The following ZNF385D variants were observed in gnomAD, a reference collection of about 807,000 sequenced individuals.
ZNF385D encodes the protein zinc finger protein 385D.
Under a neutral mutation model 35.8 loss-of-function variants are expected in ZNF385D, and 15 were observed. That is an observed-to-expected ratio of 0.42 (90% CI 0.28 to 0.64). The LOEUF (loss-of-function observed/expected upper bound fraction) is 0.64, where lower values mean the gene tolerates loss of function less well. Among genes scored for constraint, ZNF385D ranks in the 30% least tolerant of loss-of-function variants. The pLI, the probability that ZNF385D is intolerant of heterozygous loss-of-function variation, is 0.23. For synonymous variants in ZNF385D, 212 were observed against 186.8 expected, an observed-to-expected ratio of 1.13 and a Z score of -1.10; for missense variants, 474 against 494.6, an observed-to-expected ratio of 0.96 and a Z score of 0.39.
chr3:22,342,614 A>G (rs891764036), intron 2 of ZNF385D, among the ~76,000 whole-genome samples: 1 of 152,352 alleles, frequency 6.6e-6, no homozygotes, highest in African/African-American at 2.4e-5. Context: ...TTTAACCTAC[A>G]TGCAACAGAC....
At chr3:22,079,207 C>T (rs561744672) in intron 3 of ZNF385D, among the ~76,000 whole-genome samples, 2 of 152,052 alleles carry the variant, frequency 1.3e-5, no homozygotes, top group South Asian at 4.1e-4. Context: ...GTAACATTTT[C>T]CCCATCATTA....
At chr3:22,124,589 T>C (rs141945506) in intron 3 of ZNF385D, among the ~76,000 whole-genome samples, 361 of 152,308 alleles carry the variant, frequency 2.4e-3, no homozygotes, top group South Asian at 8.3e-3. Context: ...AATTCATTAT[T>C]GCTCATCTTT....
At chr3:21,827,139 A>G (rs1398830251) in intron 3 of ZNF385D, among the ~76,000 whole-genome samples, 1 of 152,216 alleles carries the variant, frequency 6.6e-6, no homozygotes, top group Non-Finnish European at 1.5e-5. Flanking sequence ...TATACTTTGA[A>G]CATTAACTAA....
intron 3 of ZNF385D, among the ~76,000 whole-genome samples, chr3:21,793,981 C>T (rs2072036597): frequency 6.6e-6 from 1 of 152,156 alleles, no homozygotes; most frequent in Non-Finnish European, 1.5e-5. Context: ...GAAAACTAGG[C>T]TTTGCTGACT....
chr3:21,687,293 A>C (rs1377438565), intron 1 of ZNF385D, among the ~76,000 whole-genome samples: 1 of 152,188 alleles, frequency 6.6e-6, no homozygotes, highest in African/African-American at 2.4e-5. Context: ...TCAAACCCAA[A>C]ATATATTATG....
intron 3 of ZNF385D, among the ~76,000 whole-genome samples, chr3:21,514,612 C>T (rs539079156): frequency 6.6e-6 from 1 of 152,078 alleles, no homozygotes; most frequent in Non-Finnish European, 1.5e-5. Flanking sequence ...ACGGTTCAAA[C>T]CAAATTCAAA....
At chr3:21,615,716 G>A (rs1324802213) in intron 2 of ZNF385D, among the ~76,000 whole-genome samples, 1 of 151,010 alleles carries the variant, frequency 6.6e-6, no homozygotes, top group Non-Finnish European at 1.5e-5. Context: ...AGTTAGGGTT[G>A]CAGGTGGCTA....
intron 3 of ZNF385D, among the ~76,000 whole-genome samples, chr3:21,830,927 T>G (rs537076220): frequency 6.6e-6 from 1 of 152,284 alleles, no homozygotes; most frequent in East Asian, 1.9e-4. Flanking sequence ...ATACCATAAG[T>G]TGGCTTTAAA....
chr3:22,109,897 C>T (rs1702420734), intron 3 of ZNF385D, among the ~76,000 whole-genome samples: 1 of 152,106 alleles, frequency 6.6e-6, no homozygotes, highest in African/African-American at 2.4e-5. Context: ...AAGGGCTACT[C>T]ATCTGACAAA....
At chr3:22,335,506 T>C (rs1178679115) in intron 2 of ZNF385D, among the ~76,000 whole-genome samples, 1 of 152,168 alleles carries the variant, frequency 6.6e-6, no homozygotes, top group Non-Finnish European at 1.5e-5. Context: ...AAACGCTCCT[T>C]CAGATCTTTT....
intron 3 of ZNF385D, among the ~76,000 whole-genome samples, chr3:21,975,481 G>A (rs1703538419): frequency 6.6e-6 from 1 of 151,956 alleles, no homozygotes; most frequent in South Asian, 2.1e-4. Flanking sequence ...CCTAGTATTT[G>A]ATAGCACAAC....
chr3:21,847,814 T>C (rs769556786), intron 3 of ZNF385D, among the ~76,000 whole-genome samples: 5 of 152,042 alleles, frequency 3.3e-5, no homozygotes, highest in Admixed American at 6.6e-5. Flanking sequence ...TGGCAGCCAC[T>C]AATCTGTTTA....
intron 4 of ZNF385D, among the ~76,000 whole-genome samples, chr3:21,441,224 A>C (rs1164221372): frequency 6.6e-6 from 1 of 152,142 alleles, no homozygotes; most frequent in East Asian, 1.9e-4. Flanking sequence ...GCACTCAATA[A>C]ATATTAAGAG....
At position 21,437,061 on chromosome 3, in the gene ZNF385D, C is replaced by T. The variant is rs1399441169; in HGVS notation, c.582G>A (p.Glu194=). The T allele has an allele frequency of 6.2e-7, 1 of 1,613,996 alleles. No individual in the cohort carries two copies. The highest frequency in any genetic ancestry group is 8.5e-7 in the Non-Finnish European group (1 of 1,179,906). ...ATGNSSCPST[E]TEEEKAKRLL... is the part of the protein sequence containing the mutation. ...GCCGTTTTGCCTTTTCTTCCTCGGT[C>T]TCAGTAGAAGGACATGAGCTATTGC... The change falls in exon 5 of 8, where the codon GAG becomes GAA. Residue 194 remains glutamate (E), a synonymous_variant. Coordinates refer to ENST00000281523, the MANE Select transcript of ZNF385D (RefSeq NM_024697.3).
chr3:21,782,597 C>G (rs2071536013), intron 3 of ZNF385D, among the ~76,000 whole-genome samples: 1 of 152,030 alleles, frequency 6.6e-6, no homozygotes, highest in African/African-American at 2.4e-5. Flanking sequence ...TATCTCCGTG[C>G]TTTGAACAGG....
At chr3:21,626,362 A>T (rs1277495718) in intron 2 of ZNF385D, among the ~76,000 whole-genome samples, 1 of 152,152 alleles carries the variant, frequency 6.6e-6, no homozygotes, top group African/African-American at 2.4e-5. Context: ...CAAAAAGTCC[A>T]TATAATGTAA....
rs577429340 is a variant in ZNF385D, at chr3:21,830,266, C to T, written c.326-165238G>A. ...ACATGTATTACTGGCATGAGTATTTCGGGATTGTATCCTAGTTTACTTGTT... is the reference window on the plus strand; with the variant it reads ...ACATGTATTACTGGCATGAGTATTTTGGGATTGTATCCTAGTTTACTTGTT... On this transcript the variant is annotated intron_variant, in intron 3 of 5. Transcript: ENST00000494108. Among the ~76,000 whole-genome samples, 9 of 152,166 alleles carry T rather than the reference C, an allele frequency of 5.9e-5. No homozygotes were observed. The South Asian group carries it at 6.2e-4, about 11-fold the overall frequency.
At chr3:22,166,737 C>T (rs1706356042) in intron 3 of ZNF385D, among the ~76,000 whole-genome samples, 1 of 152,186 alleles carries the variant, frequency 6.6e-6, no homozygotes, top group Non-Finnish European at 1.5e-5. Context: ...CTAAATTATG[C>T]TTGGGACTAA....
intron 3 of ZNF385D, among the ~76,000 whole-genome samples, chr3:21,889,956 C>G (rs745972977): frequency 4.0e-5 from 6 of 151,794 alleles, no homozygotes; most frequent in African/African-American, 1.5e-4. Flanking sequence ...CCTGTGTGTG[C>G]GTGTGCCTGT....
Sources: gnomAD v4.1 joint callset for allele counts (sites outside exome capture counted in the v4.1 genomes callset) on GRCh38, gnomAD v4.1.1 for gene constraint, MANE v1.5 for transcripts, NCBI Gene and HGNC (gene_info 2026-07-23, HGNC 2026-07-21) for gene names.